ANKRD11: variants seen among roughly 807,000 people sequenced by gnomAD.
ANKRD11 encodes ankyrin repeat domain 11.
Under a neutral mutation model 195.7 loss-of-function variants are expected in ANKRD11, and 17 were observed. The observed-to-expected ratio is 0.09, with a 90% CI of 0.06 to 0.13. ANKRD11 has a LOEUF of 0.13. Among genes scored for constraint, ANKRD11 ranks in the 10% least tolerant of loss-of-function variants. The pLI is 1.00. For missense variants in ANKRD11, 3,735 were observed against 3,566.1 expected, an observed-to-expected ratio of 1.05 and a Z score of -1.21; for synonymous variants, 1,953 against 1,528.1, an observed-to-expected ratio of 1.28 and a Z score of -6.49.
chr16:89,326,161 G>A (rs762083904), intron 2 of ANKRD11, among the ~76,000 whole-genome samples: 3 of 152,232 alleles, frequency 2.0e-5, no homozygotes, highest in Non-Finnish European at 4.4e-5. Flanking sequence ...AGGTACAATT[G>A]CACAGCTAAA....
rs1179862593 is a variant in ANKRD11, at chr16:89,290,815, T to C, written c.411A>G (p.Pro137=). 2 of 1,613,722 alleles carry C rather than the reference T, an allele frequency of 1.2e-6. No homozygotes were observed. Among genetic ancestry groups the C allele is most frequent in the Admixed American group, 1.7e-5 (1 of 60,018 alleles). The change falls in exon 6 of 13, where the codon CCA becomes CCG. Residue 137 remains proline (P), a synonymous_variant. Coordinates refer to ENST00000301030, the MANE Select transcript of ANKRD11 (RefSeq NM_013275.6). The part of the protein sequence containing the change: ...ESANSPVDTT[P]KHPSQSTVCQ... ...ACACTGTAGACTGGGAGGGGTGCTT[T>C]GGTGTTGTGTCCACTGCAGGCCAAG... is the stretch of plus-strand genomic sequence containing the variant.
chr16:89,293,594 A>T (rs140689126), intron 4 of ANKRD11, among the ~76,000 whole-genome samples: 569 of 68,388 alleles, frequency 8.3e-3, no homozygotes, highest in East Asian at 0.033. Context: ...GCTGGGGCAG[A>T]GTTGGGGCTG....
At chr16:89,470,635 GGAGATC>G (rs1567850772) in intron 1 of ANKRD11, among the ~76,000 whole-genome samples, 1 of 151,988 alleles carries the variant, frequency 6.6e-6, no homozygotes. Flanking sequence ...CACAAGGTCA[GGAGATC>G]GAGACCATCC....
chr16:89,425,954 A>G (rs1187749423), intron 1 of ANKRD11, among the ~76,000 whole-genome samples: 1 of 152,222 alleles, frequency 6.6e-6, no homozygotes, highest in East Asian at 1.9e-4. Flanking sequence ...AAAAAGGTGC[A>G]AAGTGGATGA....
intron 2 of ANKRD11, among the ~76,000 whole-genome samples, chr16:89,326,245 T>C (rs1448321763): frequency 1.3e-5 from 2 of 150,980 alleles, no homozygotes; most frequent in African/African-American, 4.9e-5. Flanking sequence ...CTTGCGAGGG[T>C]GGAAATAAAC....
At chr16:89,461,373 G>A (rs751698406) in intron 1 of ANKRD11, among the ~76,000 whole-genome samples, 2 of 152,058 alleles carry the variant, frequency 1.3e-5, no homozygotes, top group African/African-American at 2.4e-5. Flanking sequence ...TTTGCACCGT[G>A]TGAATCTAAT....
In ANKRD11 at chr16:89,291,566, G is replaced by GT; in HGVS notation, c.227-384dup. The GT allele has an allele frequency of 1.2e-6, 1 of 808,236 alleles. No individual in the cohort carries two copies. Among genetic ancestry groups the GT allele is most frequent in the South Asian group, 1.4e-5 (1 of 71,252 alleles). 50.1% of individuals were successfully genotyped at this position (808,236 alleles called of 1,614,324 possible). ...CAGGACAGGTCTCTGTTCAATACAC[G>GT]TGTCTGTAATTCAATTCCACCTTCC... On this transcript the variant is annotated intron_variant, in intron 4 of 12. Transcript: ENST00000301030. This position sits in a 1 kb window ranked among gnomAD's most constrained non-coding sequence, Gnocchi z 5.3.
At chr16:89,296,310 G>A (rs2035433939) in intron 4 of ANKRD11, among the ~76,000 whole-genome samples, 1 of 152,016 alleles carries the variant, frequency 6.6e-6, no homozygotes, top group Non-Finnish European at 1.5e-5. Flanking sequence ...CCGGCCTCTG[G>A]AGCCACCGTC....
chr16:89,369,099 C>T (rs988125931), intron 2 of ANKRD11, among the ~76,000 whole-genome samples: 12 of 152,138 alleles, frequency 7.9e-5, no homozygotes, highest in Admixed American at 7.2e-4. Flanking sequence ...CACATCACTA[C>T]CAAGCTCTGG....
chr16:89,283,374 A>G lies in ANKRD11; in HGVS notation c.3168T>C (p.Phe1056=). Residue 1056 remains phenylalanine (F), a synonymous_variant, in exon 9 of 13, where the codon TTT becomes TTC. Transcript: ENST00000301030. This position sits in a 1 kb window ranked among gnomAD's most constrained non-coding sequence, Gnocchi z 4.3. ...CQKDKEFDKC[F]KEKKDTKEKH... ...TTTCCTTGGTATCTTTTTTCTCTTT[A>G]AAACATTTATCAAATTCTTTGTCCT... is the stretch of plus-strand genomic sequence containing the variant. 1 of 1,613,652 alleles carries G rather than the reference A, an allele frequency of 6.2e-7. No individual in the cohort carries two copies. The highest frequency in any genetic ancestry group is 8.5e-7 in the Non-Finnish European group (1 of 1,179,980).
rs564715471 is a variant in ANKRD11 at position 89,373,675 on chromosome 16, C to T, written c.-60+44609G>A. Among the ~76,000 whole-genome samples the T allele has an allele frequency of 1.2e-4, 18 of 152,314 alleles. No individual in the cohort carries two copies. The South Asian group carries it at 2.3e-3, about 19-fold the overall frequency. ...CGAAATGAAAACATCATGTAACTCT[C>T]GCTGATGCATAAGGAAGACCTGCAG... On this transcript the variant is annotated intron_variant, in intron 2 of 12. Transcript: ENST00000301030.
chr16:89,435,107 C>T (rs773548477), intron 1 of ANKRD11, among the ~76,000 whole-genome samples: 1 of 152,224 alleles, frequency 6.6e-6, no homozygotes, highest in Non-Finnish European at 1.5e-5. Context: ...ATGCACCAAT[C>T]AGCACTCTGT....
intron 2 of ANKRD11, among the ~76,000 whole-genome samples, chr16:89,337,285 AG>A (rs2038413520): frequency 6.6e-6 from 1 of 151,844 alleles, no homozygotes; most frequent in Admixed American, 6.6e-5. Flanking sequence ...GTCAGAAAGG[AG>A]AGGACTTCAG....
intron 2 of ANKRD11, among the ~76,000 whole-genome samples, chr16:89,327,449 G>GT (rs1202028396): frequency 6.6e-6 from 1 of 152,172 alleles, no homozygotes; most frequent in African/African-American, 2.4e-5. Flanking sequence ...TGAAGATGGT[G>GT]TAAGTGTCCA....
intron 2 of ANKRD11, among the ~76,000 whole-genome samples, chr16:89,364,015 GTGCCA>G (rs142543447): frequency 0.021 from 3,191 of 152,206 alleles, 126 homozygotes; most frequent in African/African-American, 0.073. Context: ...AGCTATCATT[GTGCCA>G]TGCCACTGCA....
intron 2 of ANKRD11, among the ~76,000 whole-genome samples, chr16:89,414,126 C>T (rs997000968): frequency 1.3e-5 from 2 of 152,222 alleles, no homozygotes; most frequent in Non-Finnish European, 2.9e-5. Flanking sequence ...ACGATCGCAC[C>T]TGCCTTACAA....
intron 4 of ANKRD11, chr16:89,301,554 A>T: frequency 2.5e-6 from 1 of 398,898 alleles, no homozygotes; most frequent in Non-Finnish European, 4.4e-6. Context: ...TGGGGCCGGG[A>T]CATGGCAGGT....
intron 11 of ANKRD11, chr16:89,271,624 G>A (rs554618276): frequency 1.3e-5 from 2 of 155,976 alleles, no homozygotes; most frequent in Admixed American, 6.2e-5. Flanking sequence ...AAGGTGCCAA[G>A]AACAGAATAA....
At chr16:89,305,469 C>T (rs1597552380) in intron 3 of ANKRD11, 125 bp from the exon 4 acceptor site, 1 of 1,340,322 alleles carries the variant, frequency 7.5e-7, no homozygotes, top group Non-Finnish European at 1.0e-6. Flanking sequence ...TCCCTGCACC[C>T]CAGGGCGTGG....
Sources: allele counts gnomAD v4.1 joint callset (sites outside exome capture counted in the v4.1 genomes callset), GRCh38; gene constraint gnomAD v4.1.1; non-coding constraint Gnocchi (gnomAD v3.1); transcripts MANE v1.5; gene names NCBI Gene and HGNC (gene_info 2026-07-23, HGNC 2026-07-21).